The following THSD7B variants were observed in gnomAD, a reference collection of about 807,000 sequenced individuals.
The protein encoded by THSD7B is thrombospondin type-1 domain-containing protein 7B.
In THSD7B, 138 loss-of-function variants were observed where a neutral mutation model predicts 213.6. That is an observed-to-expected ratio of 0.65 (90% confidence interval 0.56 to 0.74). THSD7B has a LOEUF of 0.74. THSD7B is among the 30% of genes least tolerant of loss of function. The probability of loss-of-function intolerance (pLI) is 0.00; values close to 1 mark genes in which losing one functional copy is unlikely to be tolerated. For missense variants in THSD7B, 1,931 were observed against 1,991.5 expected (o/e 0.97, Z 0.58); for synonymous variants, 742 against 687.0 (o/e 1.08, Z -1.25).
chr2:137,174,652 T>G (rs6430685), intron 7 of THSD7B, among the ~76,000 whole-genome samples: 1 of 152,132 alleles, frequency 6.6e-6, no homozygotes, highest in Admixed American at 6.6e-5. Context: ...ATAGCAAACA[T>G]TATGTTAGTC....
chr2:137,650,809 T>C (rs1683124330), intron 21 of THSD7B, among the ~76,000 whole-genome samples: 2 of 152,218 alleles, frequency 1.3e-5, no homozygotes, highest in South Asian at 4.1e-4. Context: ...TTGAATTTTA[T>C]CAAATGCTCT....
intron 12 of THSD7B, among the ~76,000 whole-genome samples, chr2:137,282,224 G>A (rs1683040600): frequency 6.6e-6 from 1 of 151,894 alleles, no homozygotes; most frequent in Non-Finnish European, 1.5e-5. Context: ...GTCTGTTCAT[G>A]TCCTTTGCCC....
chr2:137,466,384 C>G (rs555374079), intron 15 of THSD7B, among the ~76,000 whole-genome samples: 37 of 152,292 alleles, frequency 2.4e-4, no homozygotes, highest in Admixed American at 2.1e-3. Flanking sequence ...TAATAATGCT[C>G]TGGATCAAGC....
rs181927054 is a variant in THSD7B at position 137,096,663 on chromosome 2, T to C, written c.1199+1542T>C. On this transcript the variant is annotated intron_variant, in intron 4 of 27. Transcript: ENST00000409968. ...GTCTCTGAAAACACTAATTTTGGAG[T>C]AAAACAGAAGCTTGAAAATGGCATA... is the stretch of plus-strand genomic sequence containing the variant. Among the ~76,000 whole-genome samples, 32 of 152,284 alleles carry C rather than the reference T, an allele frequency of 2.1e-4. 1 individual carries two copies. The highest frequency in any genetic ancestry group is 9.8e-4 in the Admixed American group (15 of 15,288).
chr2:137,611,168 G>T (rs1217262238), intron 17 of THSD7B, among the ~76,000 whole-genome samples: 1 of 151,502 alleles, frequency 6.6e-6, no homozygotes, highest in East Asian at 1.9e-4. Flanking sequence ...TACATTAGTG[G>T]CCTTTAATCA....
Position 137,671,431 on chromosome 2 carries a change from G to A in THSD7B, c.4739+3570G>A, listed in dbSNP as rs1312627487. ...TATGAAGAAGAAATAGCCAAGACTG[G>A]GTAATTTATAAAGGAAAGAGATTTA... On this transcript the variant is annotated intron_variant, in intron 27 of 27. Coordinates refer to ENST00000409968, the MANE Select transcript of THSD7B (RefSeq NM_001316349.2). Among the ~76,000 whole-genome samples, 2 of 152,010 alleles carry A rather than the reference G, an allele frequency of 1.3e-5. 1 individual carries two copies. Among genetic ancestry groups the A allele is most frequent in the Middle Eastern group, 6.3e-3 (2 of 316 alleles).
At chr2:137,635,357 AC>A (rs1170079423) in intron 20 of THSD7B, among the ~76,000 whole-genome samples, 1 of 152,146 alleles carries the variant, frequency 6.6e-6, no homozygotes, top group African/African-American at 2.4e-5. Flanking sequence ...AAAAACATAA[AC>A]CCAAGCAAGA....
chr2:136,929,331 T>C (rs1229412297), intron 2 of THSD7B, among the ~76,000 whole-genome samples: 1 of 152,200 alleles, frequency 6.6e-6, no homozygotes, highest in Admixed American at 6.5e-5. Context: ...AATCAGAGAT[T>C]GTTTCCTTCC....
intron 2 of THSD7B, among the ~76,000 whole-genome samples, chr2:136,989,357 G>T (rs2104814120): frequency 1.3e-5 from 2 of 152,288 alleles, no homozygotes; most frequent in South Asian, 4.1e-4. Flanking sequence ...TTGCAGTAAT[G>T]AGTGAATTCT....
intron 15 of THSD7B, among the ~76,000 whole-genome samples, chr2:137,511,462 G>T (rs1239108131): frequency 1.3e-5 from 2 of 152,164 alleles, no homozygotes; most frequent in South Asian, 2.1e-4. Context: ...GCAACCAAAG[G>T]GTTGTTGTGT....
chr2:136,799,117 T>C (rs1394606060), intron 1 of THSD7B, among the ~76,000 whole-genome samples: 1 of 152,022 alleles, frequency 6.6e-6, no homozygotes, highest in Non-Finnish European at 1.5e-5. Context: ...ACAATATCTT[T>C]CATCTAGATT....
At chr2:137,359,737 G>A (rs1443417365) in intron 12 of THSD7B, among the ~76,000 whole-genome samples, 2 of 152,130 alleles carry the variant, frequency 1.3e-5, no homozygotes, top group Non-Finnish European at 2.9e-5. Flanking sequence ...CCCACCAGAT[G>A]CTCTTTTTAG....
chr2:136,966,408 G>A (rs565303548), intron 2 of THSD7B, among the ~76,000 whole-genome samples: 1 of 151,950 alleles, frequency 6.6e-6, no homozygotes, highest in Admixed American at 6.6e-5. Flanking sequence ...GTAGAGACAG[G>A]GTTTTACCGT....
intron 17 of THSD7B, among the ~76,000 whole-genome samples, chr2:137,580,050 C>T (rs902317059): frequency 1.3e-5 from 2 of 151,818 alleles, no homozygotes; most frequent in Admixed American, 6.6e-5. Flanking sequence ...AAAAAAATCC[C>T]GGGTTTACTG....
chr2:137,331,229 G>T (rs1193564851), intron 12 of THSD7B, among the ~76,000 whole-genome samples: 2 of 150,744 alleles, frequency 1.3e-5, no homozygotes, highest in African/African-American at 2.5e-5. Context: ...TAGACATAAA[G>T]GTACTCCAAG....
Position 137,393,860 on chromosome 2 carries a change from G to A in THSD7B, c.2501-11753G>A, listed in dbSNP as rs945677260. On this transcript the variant is annotated intron_variant, in intron 12 of 27. Coordinates refer to ENST00000409968, the MANE Select transcript of THSD7B (RefSeq NM_001316349.2). Reference sequence around the variant, plus strand: ...TTTTTAATGTTTGCCATTCTAACTGGTGTGAGATGGTATCTCATTGTGGTT... The same window carrying A: ...TTTTTAATGTTTGCCATTCTAACTGATGTGAGATGGTATCTCATTGTGGTT... Among the ~76,000 whole-genome samples, 23 of 141,260 alleles carry A rather than the reference G, an allele frequency of 1.6e-4. 1 individual carries two copies. In the South Asian group the frequency reaches 5.0e-3, roughly 30 times the overall value. The allele number at this position is 141,260 out of a possible 152,430, so 92.7% of individuals were successfully genotyped here.
chr2:137,349,484 T>C (rs546040814), intron 12 of THSD7B, among the ~76,000 whole-genome samples: 1 of 151,980 alleles, frequency 6.6e-6, no homozygotes, highest in South Asian at 2.1e-4. Context: ...TGTCAGATGA[T>C]AGCTATAGAT....
chr2:137,067,829 T>TCCTTTCC (rs1286528995), intron 3 of THSD7B, among the ~76,000 whole-genome samples: 2 of 152,084 alleles, frequency 1.3e-5, no homozygotes, highest in East Asian at 3.9e-4. Context: ...TGCCTACTTT[T>TCCTTTCC]CCTTTCCCCT....
intron 2 of THSD7B, among the ~76,000 whole-genome samples, chr2:137,018,701 G>A (rs182085173): frequency 6.6e-6 from 1 of 152,158 alleles, no homozygotes; most frequent in Non-Finnish European, 1.5e-5. Context: ...GTATTATTTT[G>A]GTAAGTGAGA....
Sources: gnomAD v4.1 joint callset for allele counts (sites outside exome capture counted in the v4.1 genomes callset) on GRCh38, gnomAD v4.1.1 for gene constraint, MANE v1.5 for transcripts, NCBI Gene and HGNC (gene_info 2026-07-23, HGNC 2026-07-21) for gene names.